The following MX1 variants were observed in gnomAD, a reference collection of about 807,000 sequenced individuals.
MX1 encodes the protein MX dynamin like GTPase 1.
MX1 carries 66 observed loss-of-function variants against 66.4 expected under a neutral mutation model. That is an observed-to-expected ratio of 0.99 (90% CI 0.82 to 1.22). The LOEUF (loss-of-function observed/expected upper bound fraction) is 1.22. Among genes scored for constraint, MX1 ranks in the 50% most tolerant of loss-of-function variants. The pLI is 0.00. For missense variants in MX1, 787 were observed against 834.3 expected (o/e 0.94, Z 0.70); for synonymous variants, 311 against 318.1 (o/e 0.98, Z 0.24).
intron 8 of MX1, among the ~76,000 whole-genome samples, chr21:41,440,391 A>G (rs1471595293): frequency 1.3e-5 from 2 of 152,106 alleles, no homozygotes; most frequent in Non-Finnish European, 2.9e-5. Context: ...GTCAGCTACT[A>G]GGAGGATTGC....
Position 41,440,898 on chromosome 21 carries a change from C to G in MX1, c.603C>G (p.Leu201=). 1 of 1,614,210 alleles carries G rather than the reference C, an allele frequency of 6.2e-7. No homozygotes were observed. Among genetic ancestry groups the G allele is most frequent in the Middle Eastern group, 1.6e-4 (1 of 6,062 alleles). ...PADIGYKIKT[L]IKKYIQRQET... ...TCATTTCCTTACAGATCAAGACACT[C>G]ATCAAGAAGTACATCCAGAGGCAGG... Residue 201 remains leucine (L), a synonymous_variant, in exon 9 of 17, where the codon CTC becomes CTG. Transcript: ENST00000398598.
intron 16 of MX1, among the ~76,000 whole-genome samples, chr21:41,453,642 C>T (rs986506841): frequency 6.6e-6 from 1 of 152,186 alleles, no homozygotes; most frequent in Non-Finnish European, 1.5e-5. Flanking sequence ...GCTCTGGGAA[C>T]AGTCTCAGGA....
At position 41,441,123 on chromosome 21, in the gene MX1, G is replaced by T. The variant is rs1355326118; in HGVS notation, c.730+98G>T. 5 of 1,163,328 alleles carry T rather than the reference G, an allele frequency of 4.3e-6. No individual in the cohort carries two copies. The East Asian group carries it at 1.2e-4, about 28-fold the overall frequency. The allele number at this position is 1,163,328 out of a possible 1,614,324, so 72.1% of individuals were successfully genotyped here. ...GCCCACCTGTGCTCGGTGAGAATGG[G>T]GGAGCCCGCCTGTGCTCGGTGAGAA... On this transcript the variant is annotated intron_variant, in intron 9 of 16. Transcript: ENST00000398598. The surrounding 1 kb of genome is among the most constrained non-coding windows in gnomAD (Gnocchi z 4.0).
intron 8 of MX1, 55 bp downstream of exon 8, chr21:41,439,903 AG>A: frequency 3.6e-6 from 2 of 557,720 alleles, no homozygotes; most frequent in Non-Finnish European, 6.1e-6. Flanking sequence ...GGGGGAGTGG[AG>A]GGGTGGGAGG....
At chr21:41,458,430 A>G in intron 16 of MX1, 98 bp from the exon 17 acceptor site, 1 of 1,245,786 alleles carries the variant, frequency 8.0e-7, no homozygotes, top group Non-Finnish European at 1.1e-6. Context: ...GGTCTCCCTC[A>G]TTGAGAATCT....
At position 41,441,937 on chromosome 21, in the gene MX1, A is replaced by G. The variant is rs763437678; in HGVS notation, c.929+23A>G. On this transcript the variant is annotated intron_variant, in intron 10 of 16. Transcript: ENST00000398598. This position sits in a 1 kb window ranked among gnomAD's most constrained non-coding sequence, Gnocchi z 4.0. ...CAGGTGCGCTTGCCTGGGTTTCATC[A>G]TGGATCAGTCCAAGCCCAGGATGTC... 1.4e-5 allele frequency: 22 copies of G among 1,613,654 alleles called. No individual in the cohort carries two copies. The highest frequency in any genetic ancestry group is 4.4e-5 in the South Asian group (4 of 91,022).
upstream of MX1, among the ~76,000 whole-genome samples, chr21:41,423,605 AGGCTTAGGGATTCTTAGTC>A (rs1446236704): frequency 2.4e-4 from 36 of 152,262 alleles, no homozygotes; most frequent in Admixed American, 4.6e-4. Context: ...CTTCCCAGCT[AGGCTTAGGGATTCTTAGTC>A]GGCCTGGGAC....
At position 41,451,251 on chromosome 21, in the gene MX1, C is replaced by T. The variant is rs1320990048; in HGVS notation, c.1509+8C>T. 6 of 1,566,342 alleles carry T rather than the reference C, an allele frequency of 3.8e-6. No homozygotes were observed. The highest frequency in any genetic ancestry group is 5.3e-6 in the Non-Finnish European group (6 of 1,141,536). ...CTCCACAGAACCGCCAAGGTAAAAC[C>T]AACCATGTGTTGTTTAAAAAAAAAA... On this transcript the variant is annotated splice_region_variant and intron_variant, in intron 15 of 16. Coordinates refer to ENST00000398598, the MANE Select transcript of MX1 (RefSeq NM_002462.5).
intron 8 of MX1, 47 bp downstream of exon 8, chr21:41,439,895 G>T: frequency 6.5e-7 from 1 of 1,539,500 alleles, no homozygotes; most frequent in South Asian, 1.1e-5. Context: ...GTGGGGATGG[G>T]GGAGTGGAGG....
rs1411388499 is a variant in MX1 at position 41,446,252 on chromosome 21, T to G, written c.1273+111T>G. 3.9e-6 allele frequency: 4 copies of G among 1,035,486 alleles called. No individual in the cohort carries two copies. In the African/African-American group the frequency reaches 6.4e-5, roughly 17 times the overall value. The allele number at this position is 1,035,486 out of a possible 1,614,324, so 64.1% of individuals were successfully genotyped here. A position where few individuals can be genotyped will look rare whatever the true frequency, so the allele number is the denominator to read the frequency against. The stretch of plus-strand genomic sequence containing the variant: ...ATTGTTCTGGAGGTGAGAAATCTAT[T>G]CTTAAGGAATCAGGAAATTTGGTGT... On this transcript the variant is annotated intron_variant, in intron 13 of 16. Transcript: ENST00000398598.
intron 3 of MX1, chr21:41,429,144 G>A (rs1195363162): frequency 6.6e-6 from 1 of 152,298 alleles, no homozygotes; most frequent in Non-Finnish European, 1.5e-5. Context: ...GCCGGAACTG[G>A]TGCCTGCACT....
intron 7 of MX1, among the ~76,000 whole-genome samples, chr21:41,439,027 C>T (rs563209485): frequency 2.6e-5 from 4 of 152,138 alleles, no homozygotes; most frequent in South Asian, 2.1e-4. Context: ...GGCCAGAACC[C>T]GATCTCATGA....
chr21:41,432,011 G>A, intron 4 of MX1, 39 bp from the exon 5 acceptor site: 1 of 1,565,262 alleles, frequency 6.4e-7, no homozygotes. Context: ...AATGCACCCA[G>A]CTGCTTATCT....
At position 41,444,996 on chromosome 21, in the gene MX1, T is replaced by C. The variant is rs151193228; in HGVS notation, c.1009-452T>C. Among the ~76,000 whole-genome samples the C allele has an allele frequency of 7.9e-3, 1,205 of 152,340 alleles. 17 individuals are homozygous for C. Among genetic ancestry groups the C allele is most frequent in the African/African-American group, 0.026 (1,095 of 41,572 alleles). ...AGCCAGCATATGGCGTCAACCGTATTGTTAAAAACATAAGTCTCTGATCAC... is the reference window on the plus strand; with the variant it reads ...AGCCAGCATATGGCGTCAACCGTATCGTTAAAAACATAAGTCTCTGATCAC... On this transcript the variant is annotated intron_variant, in intron 11 of 16. Coordinates refer to ENST00000398598, the MANE Select transcript of MX1 (RefSeq NM_002462.5).
chr21:41,421,220 G>A (rs1415665600), upstream of MX1: 1 of 152,288 alleles, frequency 6.6e-6, no homozygotes, highest in Non-Finnish European at 1.5e-5. Context: ...GCTTTACAAA[G>A]CAGTATTGCT....
Position 41,444,084 on chromosome 21 carries a change from GGGGGAAT to G in MX1, c.1008+220_1008+226del, listed in dbSNP as rs2090592638. ...ATTCCTTTTCAGGGGACCACAGTCA[GGGGGAAT>G]GCTGATAGACTATATCTACTGGGCC... On this transcript the variant is annotated intron_variant, in intron 11 of 16. Transcript: ENST00000398598. Among the ~76,000 whole-genome samples the G allele has an allele frequency of 2.0e-5, 3 of 152,228 alleles. No homozygotes were observed. In the East Asian group the frequency reaches 5.8e-4, roughly 29 times the overall value.
At chr21:41,449,055 A>G (rs1012628575) in intron 13 of MX1, 82 bp from the exon 14 acceptor site, 16 of 1,325,676 alleles carry the variant, frequency 1.2e-5, no homozygotes, top group Admixed American at 2.6e-5. Flanking sequence ...ATTTTCAGAA[A>G]ATTTAGAATG....
chr21:41,445,771 T>C, intron 12 of MX1: 1 of 826,130 alleles, frequency 1.2e-6, no homozygotes, highest in South Asian at 1.8e-5. Flanking sequence ...CGAGGGATGC[T>C]CAGGCTGCGT....
At chr21:41,450,760 T>A (rs2090800566) in intron 14 of MX1, among the ~76,000 whole-genome samples, 1 of 151,976 alleles carries the variant, frequency 6.6e-6, no homozygotes, top group Non-Finnish European at 1.5e-5. Flanking sequence ...AAAAGATAAA[T>A]AATATAAATT....
Sources: allele counts gnomAD v4.1 joint callset (sites outside exome capture counted in the v4.1 genomes callset), GRCh38; gene constraint gnomAD v4.1.1; non-coding constraint Gnocchi (gnomAD v3.1); transcripts MANE v1.5; gene names NCBI Gene and HGNC (gene_info 2026-07-23, HGNC 2026-07-21).